Variants in WWC2 observed in about 807,000 individuals in gnomAD.
WWC2 encodes the protein protein WWC2.
A neutral mutation model predicts 138.5 loss-of-function variants in WWC2; 101 were observed. That is an observed-to-expected ratio of 0.73 (90% CI 0.62 to 0.86). The LOEUF is 0.86. Among genes scored for constraint, WWC2 ranks in the 40% least tolerant of loss-of-function variants. The pLI, the probability that WWC2 is intolerant of heterozygous loss-of-function variation, is 0.00. For missense variants in WWC2, 1,420 were observed against 1,419.4 expected (o/e 1.00, Z -0.01); for synonymous variants, 558 against 538.4 (o/e 1.04, Z -0.50).
At chr4:183,231,480 G>C (rs1382171894) in intron 4 of WWC2, among the ~76,000 whole-genome samples, 4 of 151,724 alleles carry the variant, frequency 2.6e-5, no homozygotes, top group African/African-American at 9.7e-5. Flanking sequence ...ATGTTGGCCA[G>C]GCTGATCTTG....
At chr4:183,158,456 T>A (rs962245327) in intron 1 of WWC2, among the ~76,000 whole-genome samples, 3 of 151,646 alleles carry the variant, frequency 2.0e-5, no homozygotes, top group African/African-American at 4.8e-5. Context: ...TCTCCTTGTG[T>A]CTTCACATGG....
intron 21 of WWC2, among the ~76,000 whole-genome samples, chr4:183,305,456 C>A (rs562430318): frequency 5.3e-5 from 8 of 152,038 alleles, no homozygotes; most frequent in Admixed American, 4.6e-4. Context: ...GAACATTACA[C>A]CTAAGCATAT....
chr4:183,119,547 A>T (rs533157299), intron 1 of WWC2, among the ~76,000 whole-genome samples: 3 of 152,196 alleles, frequency 2.0e-5, no homozygotes, highest in African/African-American at 4.8e-5. Flanking sequence ...GACGGGGTAT[A>T]AAGCCCCTCC....
At chr4:183,162,532 C>A (rs1409236522) in intron 1 of WWC2, among the ~76,000 whole-genome samples, 1 of 152,076 alleles carries the variant, frequency 6.6e-6, no homozygotes, top group African/African-American at 2.4e-5. Flanking sequence ...CTTTATTGAA[C>A]TCTTCCTAGA....
At chr4:183,157,997 C>T (rs1404586706) in intron 1 of WWC2, among the ~76,000 whole-genome samples, 2 of 152,120 alleles carry the variant, frequency 1.3e-5, no homozygotes, top group Non-Finnish European at 2.9e-5. Flanking sequence ...TGCGATGATG[C>T]ACCTTCCCCC....
intron 21 of WWC2, among the ~76,000 whole-genome samples, chr4:183,303,151 G>A (rs1436121397): frequency 6.6e-6 from 1 of 151,460 alleles, no homozygotes; most frequent in Non-Finnish European, 1.5e-5. Flanking sequence ...GATTTAAGAC[G>A]AAACCACTCC....
intron 1 of WWC2, among the ~76,000 whole-genome samples, chr4:183,131,250 T>C (rs1237980180): frequency 2.6e-5 from 4 of 151,636 alleles, no homozygotes; most frequent in African/African-American, 7.2e-5. Flanking sequence ...AAATATAAAA[T>C]TATAATTTTA....
chr4:183,117,420 C>T (rs1256053360), intron 1 of WWC2, among the ~76,000 whole-genome samples: 1 of 151,656 alleles, frequency 6.6e-6, no homozygotes, highest in Non-Finnish European at 1.5e-5. Context: ...GGGGTTTCAC[C>T]ATATTGGTCA....
At chr4:183,236,372 G>T (rs1736425143) in intron 4 of WWC2, among the ~76,000 whole-genome samples, 1 of 152,100 alleles carries the variant, frequency 6.6e-6, no homozygotes. Context: ...GAGACTCCAG[G>T]GGTGCCTTGT....
chr4:183,304,384 C>T (rs567168868), intron 21 of WWC2, among the ~76,000 whole-genome samples: 1 of 152,250 alleles, frequency 6.6e-6, no homozygotes, highest in South Asian at 2.1e-4. Context: ...GGGGGCTCTC[C>T]ACACTTTTGT....
chr4:183,202,684 G>C (rs1488609309), intron 2 of WWC2, among the ~76,000 whole-genome samples: 1 of 152,036 alleles, frequency 6.6e-6, no homozygotes, highest in Non-Finnish European at 1.5e-5. Context: ...GAGGGGAAGT[G>C]TTGAGCATAT....
At chr4:183,246,502 A>C (rs913889560) in intron 6 of WWC2, among the ~76,000 whole-genome samples, 85 of 152,342 alleles carry the variant, frequency 5.6e-4, no homozygotes, top group African/African-American at 1.9e-3. Context: ...CAAGAAGAAT[A>C]TAAAATAATA....
At chr4:183,314,130 T>G (rs1346602021) in intron 22 of WWC2, among the ~76,000 whole-genome samples, 2 of 151,992 alleles carry the variant, frequency 1.3e-5, no homozygotes, top group African/African-American at 4.8e-5. Flanking sequence ...TGTGCCTTAG[T>G]GGGCTCACAG....
At chr4:183,242,779 T>A (rs1736662777) in intron 5 of WWC2, among the ~76,000 whole-genome samples, 1 of 152,138 alleles carries the variant, frequency 6.6e-6, no homozygotes, top group African/African-American at 2.4e-5. Context: ...CCAAAAGAAA[T>A]TTTAAGAAAA....
At chr4:183,225,431 T>A (rs1447171626) in intron 4 of WWC2, among the ~76,000 whole-genome samples, 1 of 152,130 alleles carries the variant, frequency 6.6e-6, no homozygotes, top group Admixed American at 6.5e-5. Flanking sequence ...AGAAATTAAA[T>A]AAAGGTGAAA....
intron 21 of WWC2, among the ~76,000 whole-genome samples, chr4:183,298,257 C>G (rs1419470637): frequency 6.6e-6 from 1 of 152,190 alleles, no homozygotes; most frequent in Non-Finnish European, 1.5e-5. Flanking sequence ...TTTTCTAGAT[C>G]ACTACTGTGA....
chr4:183,141,587 A>C (rs1338991352), intron 1 of WWC2, among the ~76,000 whole-genome samples: 1 of 152,160 alleles, frequency 6.6e-6, no homozygotes, highest in Non-Finnish European at 1.5e-5. Flanking sequence ...AGTGTCAGTT[A>C]AAAATTATTA....
chr4:183,100,683 A>C (rs993325939), intron 1 of WWC2, among the ~76,000 whole-genome samples: 1 of 152,210 alleles, frequency 6.6e-6, no homozygotes, highest in Admixed American at 6.5e-5. Flanking sequence ...GAAATACCTA[A>C]CTACTTTATA....
chr4:183,238,143 G>T (rs1736487519), intron 4 of WWC2, among the ~76,000 whole-genome samples: 1 of 152,176 alleles, frequency 6.6e-6, no homozygotes, highest in African/African-American at 2.4e-5. Flanking sequence ...TCACGGAAAT[G>T]AATGTCTTAA....
Sources: gnomAD v4.1 joint callset for allele counts (sites outside exome capture counted in the v4.1 genomes callset) on GRCh38, gnomAD v4.1.1 for gene constraint, MANE v1.5 for transcripts, NCBI Gene and HGNC (gene_info 2026-07-23, HGNC 2026-07-21) for gene names.